The following YJEFN3 variants were observed in gnomAD, a reference collection of about 807,000 sequenced individuals.
The protein encoded by YJEFN3 is YjeF N-terminal domain containing 3, also known as yjeF N-terminal domain-containing protein 3.
A neutral mutation model predicts 31.5 loss-of-function variants in YJEFN3; 29 were observed. The ratio of observed to expected loss-of-function variants is 0.92; its 90% CI spans 0.69 to 1.26. The LOEUF is 1.26. Among genes scored for constraint, YJEFN3 ranks in the 50% most tolerant of loss-of-function variants. YJEFN3 has a pLI of 0.00. For synonymous variants in YJEFN3, 227 were observed against 196.1 expected (o/e 1.16, Z -1.32); for missense variants, 442 against 425.4 (o/e 1.04, Z -0.34).
chr19:19,532,036 G>A (rs972494423), intron 2 of YJEFN3, among the ~76,000 whole-genome samples: 3 of 151,890 alleles, frequency 2.0e-5, no homozygotes, highest in East Asian at 1.9e-4. Context: ...CACCGCGCCC[G>A]GCCTGGCCAC....
intron 4 of YJEFN3, 87 bp downstream of exon 4, chr19:19,535,231 T>C (rs988456024): frequency 2.7e-6 from 4 of 1,506,444 alleles, no homozygotes; most frequent in South Asian, 2.4e-5. Context: ...CAGGGGGACA[T>C]TGACGCAGGG....
Position 19,533,141 on chromosome 19 carries a change from C to T in YJEFN3, c.318+401C>T, listed in dbSNP as rs1384833594. On this transcript the variant is annotated intron_variant, in intron 3 of 6. Transcript: ENST00000514277. ...AAGCTCAGAGGTGGCGAGGGGCCTGCCCTGGGTCAGAGGGGGATGGAAGCA... is the reference window on the plus strand; with the variant it reads ...AAGCTCAGAGGTGGCGAGGGGCCTGTCCTGGGTCAGAGGGGGATGGAAGCA... The T allele has an allele frequency of 1.9e-5, 19 of 1,009,898 alleles. No homozygotes were observed. The South Asian group carries it at 7.9e-4, about 42-fold the overall frequency. 62.6% of individuals were successfully genotyped at this position (1,009,898 alleles called of 1,614,324 possible). A position where few individuals can be genotyped will look rare whatever the true frequency, so the allele number is the denominator to read the frequency against.
Position 19,532,717 on chromosome 19 carries a change from G to A in YJEFN3, c.295G>A (p.Ala99Thr), listed in dbSNP as rs1325527742. 8.3e-6 allele frequency: 13 copies of A among 1,573,284 alleles called. No individual in the cohort carries two copies. Among genetic ancestry groups the A allele is most frequent in the Non-Finnish European group, 1.0e-5 (12 of 1,165,312 alleles). ...RQQLVELCGH[A>T]SAVAVTKAFP... ...GCAGCTCGTGGAGCTGTGCGGTCAT[G>A]CTAGTGCCGTGGCTGTGACCAAGGT... is the stretch of plus-strand genomic sequence containing the variant. Residue 99 changes from alanine to threonine, a missense_variant, in exon 3 of 7, where the codon GCT (alanine) becomes ACT (threonine). Coordinates refer to ENST00000514277, the MANE Select transcript of YJEFN3 (RefSeq NM_198537.4).
chr19:19,535,277 C>A, intron 4 of YJEFN3, 60 bp from the exon 5 acceptor site: 2 of 1,556,154 alleles, frequency 1.3e-6, no homozygotes, highest in South Asian at 1.1e-5. Context: ...TTGTCCCAGG[C>A]AGGGTCTGGT....
At chr19:19,532,267 T>G (rs2061163799) in intron 2 of YJEFN3, among the ~76,000 whole-genome samples, 1 of 152,232 alleles carries the variant, frequency 6.6e-6, no homozygotes, top group African/African-American at 2.4e-5. Context: ...TCGAAGTCCT[T>G]CATGCTCCAT....
chr19:19,531,115 C>T (rs150971909), intron 2 of YJEFN3, among the ~76,000 whole-genome samples: 382 of 152,350 alleles, frequency 2.5e-3, no homozygotes, highest in Non-Finnish European at 4.1e-3. Flanking sequence ...TAGCAGTCCT[C>T]CTTCTCCTGC....
chr19:19,529,252 G>A, intron 1 of YJEFN3, 112 bp from the exon 2 acceptor site: 3 of 1,458,430 alleles, frequency 2.1e-6, no homozygotes, highest in Non-Finnish European at 2.7e-6. Context: ...CTGCGTTGCT[G>A]GGGAAACTGC....
Position 19,533,357 on chromosome 19 carries a change from G to T in YJEFN3, c.318+617G>T, listed in dbSNP as rs575776596. 231 of 985,616 alleles carry T rather than the reference G, an allele frequency of 2.3e-4. No homozygotes were observed. The African/African-American group carries it at 3.9e-3, about 17-fold the overall frequency. 61.1% of individuals were successfully genotyped at this position (985,616 alleles called of 1,614,324 possible). A position where few individuals can be genotyped will look rare whatever the true frequency, so the allele number is the denominator to read the frequency against. On this transcript the variant is annotated intron_variant, in intron 3 of 6. Transcript: ENST00000514277. Reference sequence around the variant, plus strand: ...GACGAGTCAGTCCCTAAACGTGAACGCCTCAGAAAACTGTCCCATACAGTC... The same window carrying T: ...GACGAGTCAGTCCCTAAACGTGAACTCCTCAGAAAACTGTCCCATACAGTC...
chr19:19,531,792 C>T (rs1380302811), intron 2 of YJEFN3, among the ~76,000 whole-genome samples: 1 of 130,616 alleles, frequency 7.7e-6, no homozygotes, highest in East Asian at 2.3e-4. Context: ...AGTGCAGTGG[C>T]ACGATCTCGG....
Position 19,529,581 on chromosome 19 carries a change from G to A in YJEFN3, c.209+68G>A, listed in dbSNP as rs530273297. 8.9e-5 allele frequency: 140 copies of A among 1,565,658 alleles called. No individual in the cohort carries two copies. In the African/African-American group the frequency reaches 1.7e-3, roughly 20 times the overall value. On this transcript the variant is annotated intron_variant, in intron 2 of 6. Transcript: ENST00000514277. The stretch of plus-strand genomic sequence containing the variant: ...TCTCACCTCATCCTCCTCAGCCTTT[G>A]TGACATGGGACCCCAGGCAAGGCTG...
Position 19,532,749 on chromosome 19 carries a change from C to CCCCTGACCCCCAA in YJEFN3, c.318+20_318+32dup, listed in dbSNP as rs546467699. ...CCGTGGCTGTGACCAAGGTACCTGACCCCTGACCCCCAACCCTGACCCCAA... is the reference window on the plus strand; with the variant it reads ...CCGTGGCTGTGACCAAGGTACCTGACCCCTGACCCCCAACCCTGACCCCCAACCCTGACCCCAA... On this transcript the variant is annotated intron_variant, in intron 3 of 6. Transcript: ENST00000514277. The CCCCTGACCCCCAA allele has an allele frequency of 1.3e-6, 2 of 1,545,656 alleles. No homozygotes were observed. Among genetic ancestry groups the CCCCTGACCCCCAA allele is most frequent in the Admixed American group, 1.9e-5 (1 of 52,422 alleles).
chr19:19,532,029 C>T (rs186095270), intron 2 of YJEFN3, among the ~76,000 whole-genome samples: 11 of 152,062 alleles, frequency 7.2e-5, no homozygotes, highest in East Asian at 3.9e-4. Flanking sequence ...TGTGAGGCAC[C>T]GCGCCCGGCC....
Position 19,537,444 on chromosome 19 carries a change from T to C in YJEFN3, c.820T>C (p.Phe274Leu). The C allele has an allele frequency of 1.3e-6, 2 of 1,588,158 alleles. No homozygotes were observed. The highest frequency in any genetic ancestry group is 1.7e-6 in the Non-Finnish European group (2 of 1,173,210). The change falls in exon 7 of 7, where the codon TTC becomes CTC. Residue 274 changes from phenylalanine (F) to leucine (L), a missense_variant. Coordinates refer to ENST00000514277, the MANE Select transcript of YJEFN3 (RefSeq NM_198537.4). ...GCGCCACCACTTCGTGGCCGGCAGG[T>C]TCGTGCCCGATGACGTGCGCCGCAA... ...SGRHHFVAGR[F>L]VPDDVRRKFA...
chr19:19,535,797 C>G, intron 6 of YJEFN3, 118 bp downstream of exon 6: 1 of 1,323,318 alleles, frequency 7.6e-7, no homozygotes, highest in Non-Finnish European at 1.0e-6. Context: ...TTGGATGGAC[C>G]CACACTTGGC....
chr19:19,537,437 C>T lies in YJEFN3; in HGVS notation c.813C>T (p.Ala271=). 1 of 1,588,584 alleles carries T rather than the reference C, an allele frequency of 6.3e-7. No individual in the cohort carries two copies. Residue 271 remains alanine, a synonymous_variant, in exon 7 of 7, where the codon GCC becomes GCT. Coordinates refer to ENST00000514277, the MANE Select transcript of YJEFN3 (RefSeq NM_198537.4). The part of the protein sequence containing the change: ...GRFSGRHHFV[A]GRFVPDDVRR... ...TCTCCGGGCGCCACCACTTCGTGGC[C>T]GGCAGGTTCGTGCCCGATGACGTGC... is the stretch of plus-strand genomic sequence containing the variant.
Position 19,529,475 on chromosome 19 carries a change from G to T in YJEFN3, c.171G>T (p.Trp57Cys). ...AACAGGCCTGGGGAAGGCAGTCATG[G>T]CTAGAGCAGATTTGGAACGCAGGGC... ...RRKQAWGRQS[W>C]LEQIWNAGPV... Residue 57 changes from tryptophan (W) to cysteine (C), a missense_variant, in exon 2 of 7, where the codon TGG (tryptophan) becomes TGT (cysteine). Transcript: ENST00000514277. 1 of 1,614,194 alleles carries T rather than the reference G, an allele frequency of 6.2e-7. No homozygotes were observed. The highest frequency in any genetic ancestry group is 8.5e-7 in the Non-Finnish European group (1 of 1,180,032).
At chr19:19,535,766 C>A (rs1266673522) in intron 6 of YJEFN3, 87 bp downstream of exon 6, 2 of 1,485,534 alleles carry the variant, frequency 1.3e-6, no homozygotes, top group Admixed American at 2.0e-5. Flanking sequence ...CCCTGCCTGT[C>A]TGAACCTCAA....
At position 19,537,401 on chromosome 19, in the gene YJEFN3, C is replaced by T; in HGVS notation, c.777C>T (p.Cys259=). The change falls in exon 7 of 7, where the codon TGC becomes TGT. Residue 259 remains cysteine, a synonymous_variant. Coordinates refer to ENST00000514277, the MANE Select transcript of YJEFN3 (RefSeq NM_198537.4). ...TGTCTCTCGCGGCGCCCAAGCGCTGCGCTGGCCGCTTCTCCGGGCGCCACC... is the reference window on the plus strand; with the variant it reads ...TGTCTCTCGCGGCGCCCAAGCGCTGTGCTGGCCGCTTCTCCGGGCGCCACC... The part of the protein sequence containing the change: ...VLVSLAAPKR[C]AGRFSGRHHF... 1.9e-6 allele frequency: 3 copies of T among 1,589,926 alleles called. No homozygotes were observed. Among genetic ancestry groups the T allele is most frequent in the South Asian group, 2.2e-5 (2 of 89,418 alleles).
intron 2 of YJEFN3, among the ~76,000 whole-genome samples, chr19:19,532,042 G>A (rs1392080586): frequency 1.3e-5 from 2 of 151,792 alleles, no homozygotes; most frequent in Admixed American, 1.3e-4. Flanking sequence ...GCCCGGCCTG[G>A]CCACAAATAA....
Sources: allele counts gnomAD v4.1 joint callset (sites outside exome capture counted in the v4.1 genomes callset), GRCh38; gene constraint gnomAD v4.1.1; transcripts MANE v1.5; gene names NCBI Gene and HGNC (gene_info 2026-07-23, HGNC 2026-07-21).